The following AGAP1 variants were observed in gnomAD, a reference collection of about 807,000 sequenced individuals.
The protein encoded by AGAP1 is arf-GAP with GTPase, ANK repeat and PH domain-containing protein 1.
A neutral mutation model predicts 105.3 loss-of-function variants in AGAP1; 29 were observed. The ratio of observed to expected loss-of-function variants is 0.28; its 90% confidence interval spans 0.21 to 0.38. The LOEUF (loss-of-function observed/expected upper bound fraction) is 0.38. AGAP1 is among the 10% of genes least tolerant of loss of function. The pLI, the probability that AGAP1 is intolerant of heterozygous loss-of-function variation, is 1.00. For synonymous variants in AGAP1, 509 were observed against 485.9 expected, an observed-to-expected ratio of 1.05 and a Z score of -0.63; for missense variants, 998 against 1,165.1, an observed-to-expected ratio of 0.86 and a Z score of 2.09.
In AGAP1 at chr2:236,051,780, C is replaced by CTTTAGTAAGCAAGTAAGTAAGTAA. The variant is rs1461194643; in HGVS notation, c.2114+2499_2114+2500insTTTAGTAAGCAAGTAAGTAAGTAA. Among the ~76,000 whole-genome samples the CTTTAGTAAGCAAGTAAGTAAGTAA allele has an allele frequency of 1.3e-5, 2 of 152,146 alleles. No individual in the cohort carries two copies. Among genetic ancestry groups the CTTTAGTAAGCAAGTAAGTAAGTAA allele is most frequent in the Non-Finnish European group, 2.9e-5 (2 of 68,018 alleles). ...TGTTCCCAAGAGGACTAAAGGCAGC[C>CTTTAGTAAGCAAGTAAGTAAGTAA]AGCAAGGTCTGTGTCCCTTCCCGCT... On this transcript the variant is annotated intron_variant, in intron 16 of 17. Coordinates refer to ENST00000304032, the MANE Select transcript of AGAP1 (RefSeq NM_001037131.3). The surrounding 1 kb of genome is among the most constrained non-coding windows in gnomAD (Gnocchi z 5.9).
At chr2:235,834,939 C>T (rs1344805985) in intron 9 of AGAP1, among the ~76,000 whole-genome samples, 1 of 152,156 alleles carries the variant, frequency 6.6e-6, no homozygotes, top group Non-Finnish European at 1.5e-5. Flanking sequence ...CTTGCGGAAG[C>T]ATTTTGCTAA....
chr2:235,655,730 G>A lies in AGAP1; in HGVS notation c.164-53449G>A, dbSNP rs138935193. On this transcript the variant is annotated intron_variant, in intron 1 of 17. Transcript: ENST00000304032. The surrounding 1 kb of genome is among the most constrained non-coding windows in gnomAD (Gnocchi z 4.3). ...CACATGGAGCAGGATTCCTTATTTTGTGAAGAAAGGATCTTTAGTGCCACG... is the reference window on the plus strand; with the variant it reads ...CACATGGAGCAGGATTCCTTATTTTATGAAGAAAGGATCTTTAGTGCCACG... 1.1e-3 allele frequency among the ~76,000 whole-genome samples: 172 copies of A among 152,312 alleles called. 2 individuals are homozygous for A. The highest frequency in any genetic ancestry group is 3.8e-3 in the African/African-American group (160 of 41,568).
chr2:235,973,341 G>A lies in AGAP1; in HGVS notation c.1645+4718G>A, dbSNP rs58155975. Among the ~76,000 whole-genome samples, 3,315 of 152,252 alleles carry A rather than the reference G, an allele frequency of 0.022. 133 individuals carry two copies. The highest frequency in any genetic ancestry group is 0.076 in the African/African-American group (3,167 of 41,532). ...TCTGGAAAGTTACAGAAGCAGGGAC[G>A]GTGACTGGAGAATCCCTTATCTTTT... On this transcript the variant is annotated intron_variant, in intron 13 of 17. Transcript: ENST00000304032. This position sits in a 1 kb window ranked among gnomAD's most constrained non-coding sequence, Gnocchi z 4.7.
Position 235,777,663 on chromosome 2 carries a change from C to T in AGAP1, c.674-20096C>T, listed in dbSNP as rs1486994888. ...TAAGTGCCTTCAGCTGTCACCTGAGCACGTTCAAGCCTCCTGCCCAGCACC... is the reference window on the plus strand; with the variant it reads ...TAAGTGCCTTCAGCTGTCACCTGAGTACGTTCAAGCCTCCTGCCCAGCACC... On this transcript the variant is annotated intron_variant, in intron 6 of 17. Coordinates refer to ENST00000304032, the MANE Select transcript of AGAP1 (RefSeq NM_001037131.3). The surrounding 1 kb of genome is among the most constrained non-coding windows in gnomAD (Gnocchi z 5.1). 6.6e-6 allele frequency among the ~76,000 whole-genome samples: 1 copy of T among 152,190 alleles called. No homozygotes were observed. Among genetic ancestry groups the T allele is most frequent in the African/African-American group, 2.4e-5 (1 of 41,442 alleles).
In AGAP1 at chr2:235,904,034, C is replaced by T. The variant is rs143570790; in HGVS notation, c.1156-4704C>T. ...AGCTGAAAGCTATGGGTCTCTGACA[C>T]GGCTCTCAATTGCTAGCAGGTTTCT... is the stretch of plus-strand genomic sequence containing the variant. On this transcript the variant is annotated intron_variant, in intron 10 of 17. Coordinates refer to ENST00000304032, the MANE Select transcript of AGAP1 (RefSeq NM_001037131.3). This position sits in a 1 kb window ranked among gnomAD's most constrained non-coding sequence, Gnocchi z 4.2. Among the ~76,000 whole-genome samples, 4 of 152,238 alleles carry T rather than the reference C, an allele frequency of 2.6e-5. No homozygotes were observed. The highest frequency in any genetic ancestry group is 4.4e-5 in the Non-Finnish European group (3 of 68,020).
Position 236,120,370 on chromosome 2 carries a change from G to T in AGAP1, c.2293G>T (p.Gly765Trp), listed in dbSNP as rs562270946. 2.5e-6 allele frequency: 4 copies of T among 1,611,600 alleles called. No individual in the cohort carries two copies. The highest frequency in any genetic ancestry group is 3.4e-6 in the Non-Finnish European group (4 of 1,179,786). ...CCGGGACGAGGTGAACGAGACCTGCGGGGAGGGAGACGGCCGCACGGCGCT... is the reference window on the plus strand; with the variant it reads ...CCGGGACGAGGTGAACGAGACCTGCTGGGAGGGAGACGGCCGCACGGCGCT... ...GSRDEVNETCGEGDGRTALHL... is the reference protein window; with the variant it reads ...GSRDEVNETCWEGDGRTALHL... The change falls in exon 17 of 18, where the codon GGG becomes TGG. Residue 765 changes from glycine (G) to tryptophan (W), a missense_variant. Physicochemically the swap from Gly to Trp is radical, Grantham distance 184. Around this residue, in one of 3 missense-constraint regions of AGAP1, gnomAD observed 235 missense variants for 270.7 expected, o/e 0.87. Coordinates refer to ENST00000304032, the MANE Select transcript of AGAP1 (RefSeq NM_001037131.3). This position sits in a 1 kb window ranked among gnomAD's most constrained non-coding sequence, Gnocchi z 6.0.
intron 1 of AGAP1, among the ~76,000 whole-genome samples, chr2:235,579,806 G>C (rs895824032): frequency 2.6e-5 from 4 of 151,090 alleles, no homozygotes; most frequent in African/African-American, 7.3e-5. Flanking sequence ...CACTTACTTA[G>C]CGTATGCACC....
At chr2:235,847,035 A>T (rs1961578813) in intron 9 of AGAP1, among the ~76,000 whole-genome samples, 2 of 152,218 alleles carry the variant, frequency 1.3e-5, no homozygotes, top group African/African-American at 4.8e-5. Flanking sequence ...TGTTGAGCAA[A>T]ATGCTAGGAG....
Position 235,930,748 on chromosome 2 carries a change from G to A in AGAP1, c.1325-17G>A, listed in dbSNP as rs377492410. 1.2e-6 allele frequency: 2 copies of A among 1,612,200 alleles called. No homozygotes were observed. The highest frequency in any genetic ancestry group is 1.7e-6 in the Non-Finnish European group (2 of 1,179,202). ...CTGCAGTCCGCGGTGGTGTTCACCT[G>A]ACTTGTTTATTCCTAGGGAATGTCA... On this transcript the variant is annotated splice_polypyrimidine_tract_variant and intron_variant, in intron 11 of 17. Coordinates refer to ENST00000304032, the MANE Select transcript of AGAP1 (RefSeq NM_001037131.3). This position sits in a 1 kb window ranked among gnomAD's most constrained non-coding sequence, Gnocchi z 7.9.
chr2:235,847,875 A>T (rs1370958779), intron 9 of AGAP1, among the ~76,000 whole-genome samples: 3 of 152,230 alleles, frequency 2.0e-5, no homozygotes, highest in Non-Finnish European at 2.9e-5. Context: ...GTTTTACATG[A>T]TGGATCTTAC....
At chr2:235,658,396 A>G (rs1199272278) in intron 1 of AGAP1, among the ~76,000 whole-genome samples, 1 of 152,224 alleles carries the variant, frequency 6.6e-6, no homozygotes, top group East Asian at 1.9e-4. Flanking sequence ...TACTGCTCTA[A>G]TTCTATCCAG....
chr2:236,043,777 G>A (rs570148827), intron 15 of AGAP1, among the ~76,000 whole-genome samples: 28 of 151,884 alleles, frequency 1.8e-4, no homozygotes, highest in African/African-American at 6.8e-4. Flanking sequence ...ACTTCATAAT[G>A]TGTTGTAAAA....
intron 11 of AGAP1, among the ~76,000 whole-genome samples, chr2:235,917,252 G>A (rs2051937003): frequency 6.6e-6 from 1 of 152,050 alleles, no homozygotes; most frequent in African/African-American, 2.4e-5. Flanking sequence ...GGGGAGGTGG[G>A]GGAGGCGGGG....
chr2:235,709,090 T>C (rs1950694014), intron 1 of AGAP1, 89 bp from the exon 2 acceptor site: 10 of 1,300,452 alleles, frequency 7.7e-6, no homozygotes, highest in Non-Finnish European at 1.1e-5. Flanking sequence ...TTCAGTGACC[T>C]TCGGATGTGA....
At chr2:235,996,480 A>C (rs1240472610) in intron 13 of AGAP1, among the ~76,000 whole-genome samples, 1 of 152,224 alleles carries the variant, frequency 6.6e-6, no homozygotes, top group African/African-American at 2.4e-5. Flanking sequence ...CCTTTTATGA[A>C]AATATTCTTG....
intron 16 of AGAP1, among the ~76,000 whole-genome samples, chr2:236,068,797 C>CAAAAA (rs35724496): frequency 3.5e-5 from 2 of 57,606 alleles, no homozygotes; most frequent in Admixed American, 2.1e-4. Flanking sequence ...GACTCCGTCT[C>CAAAAA]AAAAAAAAAA....
In AGAP1 at chr2:236,014,188, G is replaced by A. The variant is rs10185494; in HGVS notation, c.1646-22373G>A. Among the ~76,000 whole-genome samples the A allele has an allele frequency of 7.3e-3, 1,117 of 152,284 alleles. 11 individuals are homozygous for A. The highest frequency in any genetic ancestry group is 0.025 in the African/African-American group (1,059 of 41,554). ...GTTCCTAGGAGCTCCATTTAGAGCC[G>A]TAACTCCCCCGAGTGTCAAAGAGAA... On this transcript the variant is annotated intron_variant, in intron 13 of 17. Coordinates refer to ENST00000304032, the MANE Select transcript of AGAP1 (RefSeq NM_001037131.3). The surrounding 1 kb of genome is among the most constrained non-coding windows in gnomAD (Gnocchi z 6.3).
At position 236,000,317 on chromosome 2, in the gene AGAP1, A is replaced by G. The variant is rs2056061704; in HGVS notation, c.1645+31694A>G. On this transcript the variant is annotated intron_variant, in intron 13 of 17. Transcript: ENST00000304032. This position sits in a 1 kb window ranked among gnomAD's most constrained non-coding sequence, Gnocchi z 4.3. ...CATCATAATGAAACAACGTGGGAGGAAACAAAGTTATTTGAGGACCTGCTG... is the reference window on the plus strand; with the variant it reads ...CATCATAATGAAACAACGTGGGAGGGAACAAAGTTATTTGAGGACCTGCTG... 6.6e-6 allele frequency among the ~76,000 whole-genome samples: 1 copy of G among 152,248 alleles called. No individual in the cohort carries two copies. Among genetic ancestry groups the G allele is most frequent in the Non-Finnish European group, 1.5e-5 (1 of 68,052 alleles).
Position 235,936,281 on chromosome 2 carries a change from TGGAA to T in AGAP1, c.1483+5362_1483+5365del, listed in dbSNP as rs1421139059. 2.6e-5 allele frequency among the ~76,000 whole-genome samples: 4 copies of T among 152,160 alleles called. No homozygotes were observed. Among genetic ancestry groups the T allele is most frequent in the Non-Finnish European group, 5.9e-5 (4 of 68,020 alleles). The stretch of plus-strand genomic sequence containing the variant: ...ACAAACACCATGTCCATCTTCCACA[TGGAA>T]GGAGTGTATCACATGTGTGTGTGTA... On this transcript the variant is annotated intron_variant, in intron 12 of 17. Coordinates refer to ENST00000304032, the MANE Select transcript of AGAP1 (RefSeq NM_001037131.3). This position sits in a 1 kb window ranked among gnomAD's most constrained non-coding sequence, Gnocchi z 4.7.
Sources: gnomAD v4.1 joint callset for allele counts (sites outside exome capture counted in the v4.1 genomes callset) on GRCh38, gnomAD v4.1.1 for gene constraint, gnomAD v4.1.1 regional missense constraint, Gnocchi (gnomAD v3.1) non-coding constraint, MANE v1.5 for transcripts, NCBI Gene and HGNC (gene_info 2026-07-23, HGNC 2026-07-21) for gene names.